EPB41: variants seen among roughly 807,000 people sequenced by gnomAD.
EPB41 encodes the protein protein 4.1.
In EPB41, 65 loss-of-function variants were observed where a neutral mutation model predicts 108.0. That is an observed-to-expected ratio of 0.60 (90% CI 0.49 to 0.74). The LOEUF (loss-of-function observed/expected upper bound fraction) is 0.74. Ranked by LOEUF, EPB41 falls within the 30% of genes least tolerant of loss-of-function variation. EPB41 has a pLI of 0.00. For missense variants in EPB41, 875 were observed against 1,037.0 expected, an observed-to-expected ratio of 0.84 and a Z score of 2.15; for synonymous variants, 336 against 358.9, an observed-to-expected ratio of 0.94 and a Z score of 0.72.
intron 1 of EPB41, among the ~76,000 whole-genome samples, chr1:28,978,284 T>G (rs530988900): frequency 1.3e-5 from 2 of 151,650 alleles, no homozygotes; most frequent in South Asian, 4.1e-4. Context: ...TAATTGGGTT[T>G]GGATCATAAT....
intron 4 of EPB41, among the ~76,000 whole-genome samples, chr1:29,008,231 C>G (rs1315747996): frequency 6.6e-6 from 1 of 152,166 alleles, no homozygotes; most frequent in Non-Finnish European, 1.5e-5. Flanking sequence ...GCCCATCCTT[C>G]CCCTACATCC....
At chr1:28,910,854 G>C (rs2092217345), upstream of EPB41, among the ~76,000 whole-genome samples, 1 of 152,102 alleles carries the variant, frequency 6.6e-6, no homozygotes, top group South Asian at 2.1e-4. Flanking sequence ...GGTAGGGGGT[G>C]GGGAGGTAAT....
At chr1:29,104,640 G>A (rs1055040205) in intron 17 of EPB41, among the ~76,000 whole-genome samples, 4 of 151,884 alleles carry the variant, frequency 2.6e-5, no homozygotes, top group African/African-American at 9.7e-5. Context: ...CTGGACTGCA[G>A]TAGCATGATC....
chr1:29,053,171 G>T lies in EPB41; in HGVS notation c.1704G>T (p.Gln568His). ...CTGCACCTGCCATTACTCAGGGTCAGGTTGCAGAAGGTGGCGTCCTAGATG... is the reference window on the plus strand; with the variant it reads ...CTGCACCTGCCATTACTCAGGGTCATGTTGCAGAAGGTGGCGTCCTAGATG... Reference protein sequence around the residue: ...PTSAPAITQGQVAEGGVLDAS... With the variant: ...PTSAPAITQGHVAEGGVLDAS... The change falls in exon 12 of 21, where the codon CAG becomes CAT. Residue 568 changes from glutamine to histidine, a missense_variant. Physicochemically the swap from Gln to His is conservative, Grantham distance 24. This residue lies in a region of EPB41 where 519 missense variants were observed against 627.3 expected (regional missense o/e 0.83). Coordinates refer to ENST00000343067, the MANE Select transcript of EPB41 (RefSeq NM_001376013.1). 1 of 1,614,190 alleles carries T rather than the reference G, an allele frequency of 6.2e-7. No individual in the cohort carries two copies.
chr1:28,958,733 T>A (rs2095063175), intron 1 of EPB41, among the ~76,000 whole-genome samples: 1 of 146,590 alleles, frequency 6.8e-6, no homozygotes, highest in African/African-American at 2.5e-5. Context: ...GTGGGAGGAT[T>A]GCTTGAGCCT....
At position 29,098,421 on chromosome 1, in the gene EPB41, C is replaced by T. The variant is rs547446378; in HGVS notation, c.2313+486C>T. On this transcript the variant is annotated intron_variant, in intron 17 of 20. Transcript: ENST00000343067. ...CGTGTTAGCCAGGATGGTCTTGATC[C>T]GCTGACCTCGTGATCCGCCTGTCTT... is the stretch of plus-strand genomic sequence containing the variant. Among the ~76,000 whole-genome samples, 9 of 152,236 alleles carry T rather than the reference C, an allele frequency of 5.9e-5. No homozygotes were observed. The South Asian group carries it at 1.2e-3, about 21-fold the overall frequency.
At chr1:29,050,957 G>A (rs995125998) in intron 11 of EPB41, among the ~76,000 whole-genome samples, 2 of 152,064 alleles carry the variant, frequency 1.3e-5, no homozygotes, top group South Asian at 4.1e-4. Context: ...TTATAGGCGT[G>A]AGCCACCACG....
chr1:28,997,281 T>C lies in EPB41; in HGVS notation c.748T>C (p.Tyr250His). The change falls in exon 4 of 21, where the codon TAT (tyrosine) becomes CAT (histidine). Residue 250 changes from tyrosine (Y) to histidine (H), a missense_variant. Tyr to His is a moderately conservative substitution (Grantham distance 83). Around this residue, in one of 3 missense-constraint regions of EPB41, gnomAD observed 353 missense variants for 393.2 expected, o/e 0.90. Coordinates refer to ENST00000343067, the MANE Select transcript of EPB41 (RefSeq NM_001376013.1). The part of the protein sequence containing the change: ...CEHLNLLEED[Y>H]FGLAIWDNAT... ...GCATCTCAATCTTTTGGAAGAAGAC[T>C]ATTTTGGTCTAGCCATTTGGGATAA... The C allele has an allele frequency of 1.2e-6, 2 of 1,614,066 alleles. No homozygotes were observed. Among genetic ancestry groups the C allele is most frequent in the Non-Finnish European group, 1.7e-6 (2 of 1,179,904 alleles).
chr1:28,939,786 A>G (rs183427983), intron 1 of EPB41, among the ~76,000 whole-genome samples: 1 of 152,236 alleles, frequency 6.6e-6, no homozygotes, highest in Non-Finnish European at 1.5e-5. Context: ...TATGTTTTTG[A>G]ATCAGAATGC....
Position 28,948,842 on chromosome 1 carries a change from G to A in EPB41, c.-8+34074G>A, listed in dbSNP as rs1050058726. The stretch of plus-strand genomic sequence containing the variant: ...TGCGTGCCTGTAGTCCCAGCTACTC[G>A]GGAGGCTAAGGCAGAAGAATCGCTT... On this transcript the variant is annotated intron_variant, in intron 1 of 20. Coordinates refer to ENST00000343067, the MANE Select transcript of EPB41 (RefSeq NM_001376013.1). Among the ~76,000 whole-genome samples the A allele has an allele frequency of 2.0e-5, 3 of 152,006 alleles. No individual in the cohort carries two copies. The South Asian group carries it at 6.2e-4, about 32-fold the overall frequency.
At chr1:29,093,532 A>G (rs1662071123) in intron 16 of EPB41, among the ~76,000 whole-genome samples, 1 of 152,174 alleles carries the variant, frequency 6.6e-6, no homozygotes, top group Admixed American at 6.5e-5. Context: ...ACTGTGCAGA[A>G]GCTCTTAAGT....
intron 6 of EPB41, among the ~76,000 whole-genome samples, chr1:29,016,283 CT>C (rs1314478408): frequency 1.3e-5 from 2 of 151,898 alleles, no homozygotes; most frequent in East Asian, 3.9e-4. Flanking sequence ...TCGAGCGATT[CT>C]TTTGCCTCAG....
rs376043836 is a variant in EPB41 at position 29,053,315 on chromosome 1, A to G, written c.1845+3A>G. On this transcript the variant is annotated splice_donor_region_variant and intron_variant, in intron 12 of 20. Transcript: ENST00000343067. The stretch of plus-strand genomic sequence containing the variant: ...CAGAGCCCACAGAAGCATGGAAGGT[A>G]TGTCATCAGTCCAAATACCTAGCTA... 6.3e-5 allele frequency: 101 copies of G among 1,614,126 alleles called. No homozygotes were observed. The highest frequency in any genetic ancestry group is 8.4e-5 in the Non-Finnish European group (99 of 1,180,050).
At chr1:29,113,557 G>A (rs944515578) in intron 19 of EPB41, among the ~76,000 whole-genome samples, 5 of 152,200 alleles carry the variant, frequency 3.3e-5, no homozygotes, top group Non-Finnish European at 7.3e-5. Context: ...CCCCTGCTAC[G>A]TGCTCAGTCT....
At chr1:28,989,339 AT>A in intron 2 of EPB41, 1 of 940,048 alleles carries the variant, frequency 1.1e-6, no homozygotes, top group Non-Finnish European at 1.3e-6. Context: ...TTTTCTGAGA[AT>A]GTCATTTATT....
At chr1:29,061,029 A>G (rs750282991) in intron 15 of EPB41, among the ~76,000 whole-genome samples, 7 of 152,120 alleles carry the variant, frequency 4.6e-5, no homozygotes, top group Admixed American at 6.5e-5. Flanking sequence ...TTAATCATAA[A>G]AACAGGCCTG....
chr1:28,890,645 C>CACTT (rs971520018), intron 1 of EPB41, among the ~76,000 whole-genome samples: 4 of 152,328 alleles, frequency 2.6e-5, no homozygotes, highest in Admixed American at 1.3e-4. Context: ...GCCTGTTAAG[C>CACTT]ACTTACTATG....
chr1:29,027,846 C>T (rs761373048), intron 7 of EPB41, among the ~76,000 whole-genome samples: 6 of 151,912 alleles, frequency 3.9e-5, no homozygotes, highest in East Asian at 3.9e-4. Flanking sequence ...ATTTGTGAGA[C>T]GGAGTTTCGC....
chr1:28,958,385 T>G (rs1277580695), intron 1 of EPB41, among the ~76,000 whole-genome samples: 3 of 150,404 alleles, frequency 2.0e-5, no homozygotes, highest in African/African-American at 7.4e-5. Context: ...GAGATTGAAG[T>G]GGCAGTGAGC....
Sources: allele counts gnomAD v4.1 joint callset (sites outside exome capture counted in the v4.1 genomes callset), GRCh38; gene constraint gnomAD v4.1.1; regional missense constraint gnomAD v4.1.1; transcripts MANE v1.5; gene names NCBI Gene and HGNC (gene_info 2026-07-23, HGNC 2026-07-21).